Variants in ARB2A observed in about 807,000 individuals in gnomAD.
ARB2A encodes cotranscriptional regulator ARB2A.
At chr5:93,714,308 A>G in the ARB2A span, among the ~76,000 whole-genome samples, 1 of 152,180 alleles carries the variant, frequency 6.6e-6, no homozygotes, top group African/African-American at 2.4e-5. Context: ...ATTTATGTTA[A>G]TGAGTTTAAA....
At chr5:94,042,129 A>G in the ARB2A span, among the ~76,000 whole-genome samples, 1 of 152,210 alleles carries the variant, frequency 6.6e-6, no homozygotes, top group Non-Finnish European at 1.5e-5. Context: ...GATGGAATAA[A>G]GCTGAAGGTT....
the ARB2A span, among the ~76,000 whole-genome samples, chr5:93,927,029 G>A: frequency 5.4e-5 from 8 of 148,046 alleles, no homozygotes; most frequent in African/African-American, 2.0e-4. Context: ...AAACTGCTTG[G>A]AATGTGCCAG....
chr5:93,830,333 A>ATATATATATATG, the ARB2A span, among the ~76,000 whole-genome samples: 1 of 139,458 alleles, frequency 7.2e-6, no homozygotes, highest in African/African-American at 2.7e-5. Context: ...ATATATATAT[A>ATATATATATATG]TATATATATA....
At chr5:93,754,321 T>C in the ARB2A span, among the ~76,000 whole-genome samples, 1 of 152,222 alleles carries the variant, frequency 6.6e-6, no homozygotes, top group South Asian at 2.1e-4. Flanking sequence ...TCTCCCTTAC[T>C]AGAATGTAAG....
At chr5:93,994,286 T>C in the ARB2A span, among the ~76,000 whole-genome samples, 1 of 152,086 alleles carries the variant, frequency 6.6e-6, no homozygotes, top group African/African-American at 2.4e-5. Context: ...GATGGCTGAA[T>C]AAAGAAAGAA....
the ARB2A span, chr5:93,865,371 C>T: frequency 0.014 from 14,056 of 985,046 alleles, 105 homozygotes; most frequent in Non-Finnish European, 0.016. Context: ...TGAGCCACCG[C>T]GCCCAGCCGA....
the ARB2A span, among the ~76,000 whole-genome samples, chr5:94,108,280 A>G: frequency 6.6e-6 from 1 of 152,174 alleles, no homozygotes; most frequent in East Asian, 1.9e-4. Flanking sequence ...AAAAAGAAAA[A>G]AAAATCAAAA....
chr5:93,879,600 A>C, the ARB2A span, among the ~76,000 whole-genome samples: 1 of 151,898 alleles, frequency 6.6e-6, no homozygotes, highest in East Asian at 1.9e-4. Flanking sequence ...GGTATAAGAA[A>C]AAATAGATGA....
chr5:93,760,979 A>T, the ARB2A span, among the ~76,000 whole-genome samples: 2 of 152,244 alleles, frequency 1.3e-5, no homozygotes, highest in Non-Finnish European at 2.9e-5. Context: ...ACAGAGTGGG[A>T]TAAAATCTTC....
chr5:93,796,751 T>A, the ARB2A span, among the ~76,000 whole-genome samples: 1 of 152,218 alleles, frequency 6.6e-6, no homozygotes, highest in Non-Finnish European at 1.5e-5. Context: ...GTTGGGATTT[T>A]AAAATCCGAC....
At chr5:93,942,865 G>A in the ARB2A span, among the ~76,000 whole-genome samples, 3 of 152,034 alleles carry the variant, frequency 2.0e-5, no homozygotes, top group African/African-American at 7.2e-5. Context: ...ATGTGTAAGT[G>A]TACTTTTTAA....
At chr5:93,815,794 G>A in the ARB2A span, among the ~76,000 whole-genome samples, 2 of 152,036 alleles carry the variant, frequency 1.3e-5, no homozygotes, top group Non-Finnish European at 2.9e-5. Context: ...TTGTTTGCTC[G>A]GTCATTACCC....
the ARB2A span, among the ~76,000 whole-genome samples, chr5:93,844,121 AAAAAAAAAAAC>A: frequency 2.3e-5 from 3 of 129,958 alleles, no homozygotes; most frequent in Non-Finnish European, 3.1e-5. Flanking sequence ...ATAAAAAAAC[AAAAAAAAAAAC>A]AAAAAAAAAA....
chr5:93,802,931 A>G, the ARB2A span, among the ~76,000 whole-genome samples: 2 of 152,124 alleles, frequency 1.3e-5, no homozygotes, highest in Non-Finnish European at 2.9e-5. Context: ...CCCTTCTTAC[A>G]TATAACAGTA....
chr5:93,715,408 C>A, the ARB2A span, among the ~76,000 whole-genome samples: 1 of 152,152 alleles, frequency 6.6e-6, no homozygotes, highest in African/African-American at 2.4e-5. Flanking sequence ...ACATGTGTTA[C>A]TGCAGTTCTA....
At chr5:93,827,594 A>T in the ARB2A span, among the ~76,000 whole-genome samples, 1 of 151,858 alleles carries the variant, frequency 6.6e-6, no homozygotes, top group Non-Finnish European at 1.5e-5. Flanking sequence ...GAAGCTCTTT[A>T]GTTTCATTAG....
At chr5:94,071,540 C>T in the ARB2A span, among the ~76,000 whole-genome samples, 1 of 151,904 alleles carries the variant, frequency 6.6e-6, no homozygotes, top group African/African-American at 2.4e-5. Context: ...TATCAAAACT[C>T]AATAGTTTTA....
At chr5:93,881,512 A>C in the ARB2A span, 1 of 1,611,012 alleles carries the variant, frequency 6.2e-7, no homozygotes, top group South Asian at 1.1e-5. Flanking sequence ...TTTGGGGGTT[A>C]CGATACTTCT....
the ARB2A span, among the ~76,000 whole-genome samples, chr5:93,836,512 C>T: frequency 6.6e-6 from 1 of 152,066 alleles, no homozygotes; most frequent in Non-Finnish European, 1.5e-5. Flanking sequence ...ATAAATTGTG[C>T]ATTAATATAG....
Sources: allele counts gnomAD v4.1 joint callset (sites outside exome capture counted in the v4.1 genomes callset), GRCh38; gene constraint gnomAD v4.1.1; transcripts MANE v1.5; gene names NCBI Gene and HGNC (gene_info 2026-07-23, HGNC 2026-07-21).